The following KDM6A variants were observed in gnomAD, a reference collection of about 807,000 sequenced individuals.
The protein encoded by KDM6A is lysine demethylase 6A, also known as lysine-specific demethylase 6A.
KDM6A carries 11 observed loss-of-function variants against 117.6 expected under a neutral mutation model. The observed-to-expected ratio is 0.09, with a 90% CI of 0.06 to 0.15. KDM6A has a LOEUF of 0.15. KDM6A is among the 10% of genes least tolerant of loss of function. The pLI is 1.00. For synonymous variants in KDM6A, 384 were observed against 396.1 expected (o/e 0.97, Z 0.36); for missense variants, 799 against 1,077.3 (o/e 0.74, Z 3.62).
intron 2 of KDM6A, among the ~76,000 whole-genome samples, chrX:44,931,111 C>T (rs2036595500): frequency 9.0e-6 from 1 of 111,007 alleles, no homozygotes; most frequent in Non-Finnish European, 1.9e-5. Context: ...CTCATTCACT[C>T]CGTCACCCAG....
At chrX:44,974,984 A>G (rs1291828333) in intron 4 of KDM6A, among the ~76,000 whole-genome samples, 1 of 112,077 alleles carries the variant, frequency 8.9e-6, no homozygotes, top group African/African-American at 3.2e-5. Flanking sequence ...AAGCAAAACT[A>G]AACAAATAAC....
At chrX:45,040,835 C>A (rs2043118787) in intron 8 of KDM6A, among the ~76,000 whole-genome samples, 1 of 83,979 alleles carries the variant, frequency 1.2e-5, no homozygotes, top group Non-Finnish European at 2.4e-5. Flanking sequence ...ATCCCCCCAC[C>A]TCCCTCCCGG....
rs755619804 is a variant in KDM6A, at chrX:45,090,813, A to G, written c.3983A>G (p.Asn1328Ser). ...SIVPMVHLSW[N>S]MARNIKVSDP... ...GTACCCATGGTTCATCTTTCCTGGA[A>G]TATGGCACGAAATATCAAGGTCTCA... The change falls in exon 27 of 30, where the codon AAT becomes AGT. Residue 1328 changes from asparagine to serine, a missense_variant. By Grantham distance (46) the Asn-to-Ser change is conservative. Around this residue, in one of 8 missense-constraint regions of KDM6A, gnomAD observed 291 missense variants for 437.9 expected, o/e 0.66. Coordinates refer to ENST00000611820, the MANE Select transcript of KDM6A (RefSeq NM_001291415.2). The G allele has an allele frequency of 6.6e-6, 8 of 1,210,358 alleles. No individual in the cohort carries two copies. The highest frequency in any genetic ancestry group is 8.9e-6 in the Non-Finnish European group (8 of 894,433).
Position 44,978,959 on chromosome X carries a change from A to G in KDM6A, c.384+4244A>G, listed in dbSNP as rs903652072. Among the ~76,000 whole-genome samples, 4 of 112,374 alleles carry G rather than the reference A, an allele frequency of 3.6e-5. No homozygotes were observed. The East Asian group carries it at 1.1e-3, about 31-fold the overall frequency. On this transcript the variant is annotated intron_variant, in intron 4 of 29. Coordinates refer to ENST00000611820, the MANE Select transcript of KDM6A (RefSeq NM_001291415.2). The stretch of plus-strand genomic sequence containing the variant: ...TCATTGTTAAGTAGGATTTCATAGA[A>G]TGGATATGCCACAGTTTTTCTCAGT...
chrX:45,038,593 T>TGGG (rs746935636), intron 8 of KDM6A, among the ~76,000 whole-genome samples: 25 of 91,689 alleles, frequency 2.7e-4, no homozygotes, highest in African/African-American at 1.0e-3. Flanking sequence ...ATAACACATT[T>TGGG]GGGGGGGGGT....
At chrX:44,986,375 G>T (rs1397288196) in intron 4 of KDM6A, among the ~76,000 whole-genome samples, 1 of 111,277 alleles carries the variant, frequency 9.0e-6, no homozygotes, top group Middle Eastern at 4.6e-3. Context: ...TGGATTCATT[G>T]ATTTTTTTGA....
At chrX:45,012,197 A>ATTTTTTTTTTTTTTTTTTTTTTTTTTT (rs760991442) in intron 5 of KDM6A, among the ~76,000 whole-genome samples, 1 of 69,070 alleles carries the variant, frequency 1.4e-5, no homozygotes, top group African/African-American at 6.3e-5. Context: ...CCCAATGTAG[A>ATTTTTTTTTTTTTTTTTTTTTTTTTTT]TTTTTTTTTT....
chrX:45,055,375 G>A (rs1174481647), intron 10 of KDM6A, among the ~76,000 whole-genome samples: 1 of 110,199 alleles, frequency 9.1e-6, no homozygotes, highest in Admixed American at 9.7e-5. Flanking sequence ...AGAAGGTTAA[G>A]GAAAAAAATT....
At chrX:44,875,524 A>G (rs1188365593) in intron 2 of KDM6A, among the ~76,000 whole-genome samples, 1 of 110,911 alleles carries the variant, frequency 9.0e-6, no homozygotes, top group East Asian at 2.8e-4. Context: ...AGCTCTGGAA[A>G]GATTTAAGCG....
At chrX:44,970,404 C>T (rs1370962931) in intron 3 of KDM6A, among the ~76,000 whole-genome samples, 3 of 111,250 alleles carry the variant, frequency 2.7e-5, no homozygotes, top group Non-Finnish European at 3.8e-5. Context: ...TATTTTTTCT[C>T]TTTAATTTTT....
At chrX:44,895,120 T>TTATG (rs2033723212) in intron 2 of KDM6A, among the ~76,000 whole-genome samples, 1 of 98,479 alleles carries the variant, frequency 1.0e-5, no homozygotes, top group Non-Finnish European at 2.0e-5. Flanking sequence ...ATTTATTTAT[T>TTATG]TTAGAGACAG....
chrX:44,888,298 C>T (rs903447009), intron 2 of KDM6A, among the ~76,000 whole-genome samples: 12 of 112,204 alleles, frequency 1.1e-4, no homozygotes, highest in African/African-American at 2.9e-4. Flanking sequence ...GAGCGAGACT[C>T]CCTCTCAAAA....
At chrX:44,964,304 C>T (rs1270590538) in intron 3 of KDM6A, among the ~76,000 whole-genome samples, 1 of 107,850 alleles carries the variant, frequency 9.3e-6, no homozygotes, top group East Asian at 3.0e-4. Context: ...CAAAAATTGG[C>T]TGGGTGCGGT....
chrX:44,992,471 A>G (rs905823239), intron 4 of KDM6A, among the ~76,000 whole-genome samples: 2 of 107,898 alleles, frequency 1.9e-5, no homozygotes, highest in African/African-American at 6.7e-5. Flanking sequence ...TGATCTGCCC[A>G]CCTTGGCCCC....
chrX:44,947,812 C>T (rs898705683), intron 2 of KDM6A, among the ~76,000 whole-genome samples: 8 of 111,776 alleles, frequency 7.2e-5, no homozygotes, highest in African/African-American at 2.3e-4. Flanking sequence ...TGAAGGTGTT[C>T]GCTCATTGAG....
intron 2 of KDM6A, among the ~76,000 whole-genome samples, chrX:44,906,578 AATTC>A (rs1402746102): frequency 1.8e-5 from 2 of 111,444 alleles, no homozygotes; most frequent in Admixed American, 9.6e-5. Context: ...TAAAAAAAAA[AATTC>A]ATTCATCTTT....
At chrX:45,041,883 TG>T (rs1366339160) in intron 8 of KDM6A, among the ~76,000 whole-genome samples, 2 of 110,005 alleles carry the variant, frequency 1.8e-5, no homozygotes, top group African/African-American at 6.7e-5. Flanking sequence ...CTCGGCACTT[TG>T]GGGGGCCAAG....
At chrX:45,093,047 A>T (rs1368283425) in intron 27 of KDM6A, among the ~76,000 whole-genome samples, 1 of 111,059 alleles carries the variant, frequency 9.0e-6, no homozygotes, top group Non-Finnish European at 1.9e-5. Flanking sequence ...CTTGCCATAG[A>T]GGATTTTAAG....
chrX:44,913,012 A>T (rs2035305379), intron 2 of KDM6A, among the ~76,000 whole-genome samples: 1 of 111,824 alleles, frequency 8.9e-6, no homozygotes, highest in South Asian at 3.7e-4. Context: ...GGATAATAGT[A>T]CAGTTGATCT....
Sources: allele counts gnomAD v4.1 joint callset (sites outside exome capture counted in the v4.1 genomes callset), GRCh38; gene constraint gnomAD v4.1.1; regional missense constraint gnomAD v4.1.1; transcripts MANE v1.5; gene names NCBI Gene and HGNC (gene_info 2026-07-23, HGNC 2026-07-21).